The following SPOCK3 variants were observed in gnomAD, a reference collection of about 807,000 sequenced individuals.
The protein encoded by SPOCK3 is testican-3.
Under a neutral mutation model 56.6 loss-of-function variants are expected in SPOCK3, and 30 were observed. The ratio of observed to expected loss-of-function variants is 0.53; its 90% CI spans 0.40 to 0.72. The LOEUF is 0.72. SPOCK3 is among the 30% of genes least tolerant of loss of function. The pLI is 0.00. For synonymous variants in SPOCK3, 196 were observed against 183.3 expected (o/e 1.07, Z -0.56); for missense variants, 527 against 530.0 (o/e 0.99, Z 0.06).
chr4:167,126,547 CA>C (rs1362545850), intron 2 of SPOCK3, among the ~76,000 whole-genome samples: 1 of 149,400 alleles, frequency 6.7e-6, no homozygotes, highest in Non-Finnish European at 1.5e-5. Context: ...CAAACTCTGT[CA>C]AAAAAACAAA....
intron 3 of SPOCK3, among the ~76,000 whole-genome samples, chr4:167,003,876 G>T (rs1022550555): frequency 6.6e-6 from 1 of 152,032 alleles, no homozygotes; most frequent in Admixed American, 6.6e-5. Context: ...CATTACATTC[G>T]CAGTGTAGGA....
At chr4:166,840,485 CTGTT>C (rs1331469369) in intron 6 of SPOCK3, among the ~76,000 whole-genome samples, 7 of 152,152 alleles carry the variant, frequency 4.6e-5, no homozygotes, top group African/African-American at 1.7e-4. Flanking sequence ...TTGGACTTTT[CTGTT>C]TGTTTATCTG....
intron 4 of SPOCK3, among the ~76,000 whole-genome samples, chr4:166,975,669 T>C (rs1052591643): frequency 4.6e-5 from 7 of 152,136 alleles, no homozygotes; most frequent in African/African-American, 1.4e-4. Flanking sequence ...TTCCCCACTA[T>C]CCTTCCCAGC....
At chr4:166,879,934 C>T (rs923123433) in intron 6 of SPOCK3, among the ~76,000 whole-genome samples, 7 of 152,100 alleles carry the variant, frequency 4.6e-5, no homozygotes, top group Admixed American at 3.9e-4. Flanking sequence ...CCATGTAAGA[C>T]ATGCCTGCTT....
chr4:167,224,661 A>C (rs1326396187), intron 2 of SPOCK3, among the ~76,000 whole-genome samples: 1 of 152,060 alleles, frequency 6.6e-6, no homozygotes, highest in African/African-American at 2.4e-5. Flanking sequence ...AAGTACTTAA[A>C]CTTTGTTGTT....
chr4:166,740,499 A>C (rs1054113943), intron 9 of SPOCK3, among the ~76,000 whole-genome samples: 1 of 77,268 alleles, frequency 1.3e-5, no homozygotes, highest in Admixed American at 1.3e-4. Flanking sequence ...AGAACTTATT[A>C]TTATTATTAT....
At chr4:167,105,763 A>G (rs1374928062) in intron 2 of SPOCK3, among the ~76,000 whole-genome samples, 1 of 151,982 alleles carries the variant, frequency 6.6e-6, no homozygotes, top group African/African-American at 2.4e-5. Context: ...TTACCTGTAA[A>G]GACACATATA....
intron 4 of SPOCK3, among the ~76,000 whole-genome samples, chr4:166,970,145 G>A (rs1157188723): frequency 6.6e-6 from 1 of 152,218 alleles, no homozygotes; most frequent in East Asian, 1.9e-4. Context: ...TGTAGTCTGA[G>A]TATGCTGACT....
chr4:167,175,255 C>G (rs1358975196), intron 2 of SPOCK3, among the ~76,000 whole-genome samples: 5 of 152,110 alleles, frequency 3.3e-5, no homozygotes, highest in Non-Finnish European at 7.4e-5. Context: ...ATCAATGATA[C>G]TACTTCTTAT....
chr4:166,765,155 A>G (rs572702448), intron 7 of SPOCK3, among the ~76,000 whole-genome samples: 8 of 151,942 alleles, frequency 5.3e-5, no homozygotes, highest in Admixed American at 2.0e-4. Flanking sequence ...TTCACTCTGA[A>G]GGTAGTTTCT....
rs540375603 is a variant in SPOCK3, at chr4:167,077,162, TG to T, written c.190-14626del. Among the ~76,000 whole-genome samples the T allele has an allele frequency of 1.9e-3, 293 of 152,002 alleles. 1 individual carries two copies. Among genetic ancestry groups the T allele is most frequent in the African/African-American group, 6.6e-3 (275 of 41,534 alleles). Reference sequence around the variant, plus strand: ...TACATAATATATGCATCTAAAATAATGGGATTCCTTCAGTATTTATTTTATG... The same window carrying T: ...TACATAATATATGCATCTAAAATAATGGATTCCTTCAGTATTTATTTTATG... On this transcript the variant is annotated intron_variant, in intron 2 of 10. Coordinates refer to ENST00000357545, the MANE Select transcript of SPOCK3 (RefSeq NM_001040159.2).
chr4:167,221,335 T>A (rs1241261484), intron 2 of SPOCK3, among the ~76,000 whole-genome samples: 1 of 152,118 alleles, frequency 6.6e-6, no homozygotes, highest in Admixed American at 6.6e-5. Context: ...ACCACTGCAC[T>A]GAAGCCTGGG....
chr4:166,755,261 T>A (rs1036054059), intron 7 of SPOCK3, among the ~76,000 whole-genome samples: 1 of 152,086 alleles, frequency 6.6e-6, no homozygotes, highest in African/African-American at 2.4e-5. Context: ...GAAAGAATAA[T>A]CATCATGTAA....
chr4:166,846,659 G>T (rs1560925401), intron 6 of SPOCK3, among the ~76,000 whole-genome samples: 1 of 151,988 alleles, frequency 6.6e-6, no homozygotes, highest in Non-Finnish European at 1.5e-5. Context: ...CCTGAAATTG[G>T]TATACTGTAA....
intron 6 of SPOCK3, among the ~76,000 whole-genome samples, chr4:166,803,559 T>C (rs533789330): frequency 3.3e-4 from 50 of 152,304 alleles, no homozygotes; most frequent in African/African-American, 1.2e-3. Flanking sequence ...CAAACTTTGT[T>C]GGAATATGTA....
intron 2 of SPOCK3, among the ~76,000 whole-genome samples, chr4:167,209,987 C>T (rs2111020254): frequency 6.6e-6 from 1 of 152,178 alleles, no homozygotes; most frequent in East Asian, 1.9e-4. Flanking sequence ...AAAAGTCTTC[C>T]TCTGACTTTG....
chr4:167,221,022 G>C (rs1414185658), intron 2 of SPOCK3, among the ~76,000 whole-genome samples: 1 of 152,010 alleles, frequency 6.6e-6, no homozygotes. Flanking sequence ...TAAGAAAATA[G>C]ACAGTCAATG....
At chr4:166,737,108 G>A (rs952650) in intron 10 of SPOCK3, among the ~76,000 whole-genome samples, 36,630 of 151,946 alleles carry the variant, frequency 0.24, 5,352 homozygotes, top group African/African-American at 0.4. Context: ...AGACAAAAGG[G>A]TGTCATCTGA....
Position 166,748,835 on chromosome 4 carries a change from A to G in SPOCK3, c.931+5673T>C, listed in dbSNP as rs1424487964. Among the ~76,000 whole-genome samples, 19 of 137,464 alleles carry G rather than the reference A, an allele frequency of 1.4e-4. 4 individuals carry two copies. Among genetic ancestry groups the G allele is most frequent in the Admixed American group, 2.1e-4 (3 of 14,348 alleles). 90.2% of individuals were successfully genotyped at this position (137,464 alleles called of 152,430 possible). A position where few individuals can be genotyped will look rare whatever the true frequency, so the allele number is the denominator to read the frequency against. ...ATCAAAAAGTGGGTAAAGGATATGA[A>G]CAGACATTTTTCAAACGAAGTCATT... On this transcript the variant is annotated intron_variant, in intron 8 of 10. Coordinates refer to ENST00000357545, the MANE Select transcript of SPOCK3 (RefSeq NM_001040159.2).
Sources: gnomAD v4.1 joint callset for allele counts (sites outside exome capture counted in the v4.1 genomes callset) on GRCh38, gnomAD v4.1.1 for gene constraint, MANE v1.5 for transcripts, NCBI Gene and HGNC (gene_info 2026-07-23, HGNC 2026-07-21) for gene names.